The following ZNF366 variants were observed in gnomAD, a reference collection of about 807,000 sequenced individuals.
The protein encoded by ZNF366 is zinc finger protein 366.
ZNF366 carries 20 observed loss-of-function variants against 47.2 expected under a neutral mutation model. That is an observed-to-expected ratio of 0.42 (90% CI 0.30 to 0.62). The LOEUF (loss-of-function observed/expected upper bound fraction) is 0.62. Ranked by LOEUF, ZNF366 falls within the 20% of genes least tolerant of loss-of-function variation. The pLI, the probability that ZNF366 is intolerant of heterozygous loss-of-function variation, is 0.16. For missense variants in ZNF366, 987 were observed against 976.3 expected (o/e 1.01, Z -0.15); for synonymous variants, 421 against 395.1 (o/e 1.07, Z -0.78).
chr5:72,455,004 C>T (rs1282006589), intron 3 of ZNF366, among the ~76,000 whole-genome samples: 3 of 152,224 alleles, frequency 2.0e-5, no homozygotes, highest in African/African-American at 7.2e-5. Context: ...AATGTTTGAA[C>T]AAGGAGCCTT....
intron 1 of ZNF366, among the ~76,000 whole-genome samples, chr5:72,472,177 G>T (rs1175495058): frequency 6.6e-6 from 1 of 152,156 alleles, no homozygotes; most frequent in South Asian, 2.1e-4. Flanking sequence ...CAAAAACTAG[G>T]TTCAAGGAAC....
chr5:72,457,828 C>T (rs917952569), intron 2 of ZNF366, among the ~76,000 whole-genome samples: 3 of 152,108 alleles, frequency 2.0e-5, no homozygotes, highest in African/African-American at 7.2e-5. Flanking sequence ...GATGATGGTA[C>T]ATGAGTATGC....
At chr5:72,466,584 C>T (rs1289715650) in intron 1 of ZNF366, among the ~76,000 whole-genome samples, 1 of 152,202 alleles carries the variant, frequency 6.6e-6, no homozygotes, top group African/African-American at 2.4e-5. Context: ...TTCACTGCTG[C>T]ATCTTCAATT....
chr5:72,447,258 C>A lies in ZNF366; in HGVS notation c.1684G>T (p.Gly562Cys), dbSNP rs375547703. 1 of 1,613,992 alleles carries A rather than the reference C, an allele frequency of 6.2e-7. No individual in the cohort carries two copies. Among genetic ancestry groups the A allele is most frequent in the African/African-American group, 1.3e-5 (1 of 74,894 alleles). ...MKVKHGVMERGLHSQGLGRGR... is the reference protein window; with the variant it reads ...MKVKHGVMERCLHSQGLGRGR... Reference sequence around the variant, plus strand: ...GAGTGATTACCTTGGGAATGAAGGCCCCGCTCCATGACTCCATGCTTGACT... The same window carrying A: ...GAGTGATTACCTTGGGAATGAAGGCACCGCTCCATGACTCCATGCTTGACT... The change falls in exon 4 of 5, where the codon GGC becomes TGC. Residue 562 changes from glycine to cysteine, a missense_variant. Transcript: ENST00000318442.
At chr5:72,480,480 C>G (rs1180785515) in intron 1 of ZNF366, among the ~76,000 whole-genome samples, 1 of 151,972 alleles carries the variant, frequency 6.6e-6, no homozygotes, top group Non-Finnish European at 1.5e-5. Flanking sequence ...CCATGCTTCC[C>G]CACAATCCCC....
chr5:72,443,784 T>C lies in ZNF366; in HGVS notation c.2207A>G (p.Glu736Gly), dbSNP rs781375221. The change falls in exon 5 of 5, where the codon GAA (glutamate) becomes GGA (glycine). Residue 736 changes from glutamate to glycine, a missense_variant. By Grantham distance (98) the Glu-to-Gly change is moderately conservative. Coordinates refer to ENST00000318442, the MANE Select transcript of ZNF366 (RefSeq NM_152625.3). ...GATACCTAAAAGCACTGCTTGTTTT[T>C]CCATTTTCCTCTCCAGTAATTCTTT... is the stretch of plus-strand genomic sequence containing the variant. ...SLKELLERKM[E>G]KQAVLLGI 1.9e-6 allele frequency: 3 copies of C among 1,613,530 alleles called. No individual in the cohort carries two copies. The highest frequency in any genetic ancestry group is 2.5e-6 in the Non-Finnish European group (3 of 1,179,736).
At chr5:72,500,492 A>G (rs1744194423) in intron 1 of ZNF366, among the ~76,000 whole-genome samples, 1 of 152,108 alleles carries the variant, frequency 6.6e-6, no homozygotes, top group South Asian at 2.1e-4. Context: ...ACCTGAAAAT[A>G]ATACCCTCGC....
At chr5:72,449,435 C>T (rs191248642) in intron 3 of ZNF366, among the ~76,000 whole-genome samples, 1 of 152,244 alleles carries the variant, frequency 6.6e-6, no homozygotes, top group African/African-American at 2.4e-5. Context: ...GGATCTCTGG[C>T]CATGTTGGCC....
chr5:72,458,209 G>A (rs904084105), intron 2 of ZNF366, among the ~76,000 whole-genome samples: 4 of 151,560 alleles, frequency 2.6e-5, no homozygotes, highest in African/African-American at 9.7e-5. Flanking sequence ...GTAGAGACGG[G>A]GTTTCACCGT....
In ZNF366 at chr5:72,507,266, G is replaced by A; in HGVS notation, c.-30C>T. On this transcript the variant is annotated 5_prime_UTR_variant, in exon 1 of 5. Coordinates refer to ENST00000318442, the MANE Select transcript of ZNF366 (RefSeq NM_152625.3). Reference sequence around the variant, plus strand: ...GGTAACTTACCAGCTCCTGAGGTCTGAATGGCTGCAGCAGCCCCACTCCTT... The same window carrying A: ...GGTAACTTACCAGCTCCTGAGGTCTAAATGGCTGCAGCAGCCCCACTCCTT... 1 of 985,528 alleles carries A rather than the reference G, an allele frequency of 1.0e-6. No homozygotes were observed. The highest frequency in any genetic ancestry group is 1.2e-6 in the Non-Finnish European group (1 of 830,046). The allele number at this position is 985,528 out of a possible 1,614,324, so 61.0% of individuals were successfully genotyped here.
intron 2 of ZNF366, among the ~76,000 whole-genome samples, chr5:72,456,804 C>A (rs1234018149): frequency 6.6e-6 from 1 of 151,924 alleles, no homozygotes; most frequent in African/African-American, 2.4e-5. Context: ...TTCTGAAAAC[C>A]ATAAACTAGC....
chr5:72,476,867 A>G (rs529790475), intron 1 of ZNF366, among the ~76,000 whole-genome samples: 6 of 152,178 alleles, frequency 3.9e-5, no homozygotes, highest in East Asian at 1.9e-4. Flanking sequence ...AAGCTTAACA[A>G]TGAGGAAGAG....
At chr5:72,476,144 C>T (rs745944046) in intron 1 of ZNF366, among the ~76,000 whole-genome samples, 1 of 151,944 alleles carries the variant, frequency 6.6e-6, no homozygotes. Flanking sequence ...TTCATAAGAC[C>T]AGGTACCTGG....
In ZNF366 at chr5:72,444,286, C is replaced by T. The variant is rs1561187790; in HGVS notation, c.1705G>A (p.Gly569Arg). 4 of 1,607,942 alleles carry T rather than the reference C, an allele frequency of 2.5e-6. No homozygotes were observed. The highest frequency in any genetic ancestry group is 3.4e-6 in the Non-Finnish European group (4 of 1,176,824). The change falls in exon 5 of 5, where the codon GGA (glycine) becomes AGA (arginine). Residue 569 changes from glycine to arginine, a missense_variant. Physicochemically the swap from Gly to Arg is moderately radical, Grantham distance 125 (BLOSUM62 -2). Around this residue, in one of 3 missense-constraint regions of ZNF366, gnomAD observed 285 missense variants for 234.8 expected, o/e 1.21. Transcript: ENST00000318442. Reference sequence around the variant, plus strand: ...TGTGCCAGGGCGATTCTCCCCCTTCCCAGACCTGCAAGAGCAGAGTAAGAA... The same window carrying T: ...TGTGCCAGGGCGATTCTCCCCCTTCTCAGACCTGCAAGAGCAGAGTAAGAA... ...MERGLHSQGLGRGRIALAQTA... is the reference protein window; with the variant it reads ...MERGLHSQGLRRGRIALAQTA...
intron 1 of ZNF366, among the ~76,000 whole-genome samples, chr5:72,503,514 C>T (rs1744256117): frequency 6.7e-6 from 1 of 150,360 alleles, no homozygotes; most frequent in Admixed American, 6.6e-5. Flanking sequence ...TAAACAAGCC[C>T]GTAGGTGAAT....
intron 4 of ZNF366, among the ~76,000 whole-genome samples, chr5:72,445,100 C>T (rs1742932859): frequency 6.6e-6 from 1 of 152,184 alleles, no homozygotes; most frequent in Non-Finnish European, 1.5e-5. Context: ...ATGAAGAGGT[C>T]CTCTGAGGAG....
At chr5:72,456,316 G>C (rs1743184709) in intron 3 of ZNF366, 88 bp downstream of exon 3, 3 of 1,446,954 alleles carry the variant, frequency 2.1e-6, no homozygotes, top group Non-Finnish European at 1.9e-6. Context: ...TAGCCCCACT[G>C]ATGAAACAGA....
At chr5:72,447,119 A>G in intron 4 of ZNF366, 124 bp downstream of exon 4, 4 of 1,060,222 alleles carry the variant, frequency 3.8e-6, no homozygotes, top group Non-Finnish European at 5.5e-6. Context: ...TTATAAGGTT[A>G]CTCTTGCTAC....
At chr5:72,450,974 C>A (rs13189566) in intron 3 of ZNF366, among the ~76,000 whole-genome samples, 1 of 152,048 alleles carries the variant, frequency 6.6e-6, no homozygotes, top group African/African-American at 2.4e-5. Context: ...GGGAGTTAGA[C>A]GAGAGGGAGG....
Sources: allele counts gnomAD v4.1 joint callset (sites outside exome capture counted in the v4.1 genomes callset), GRCh38; gene constraint gnomAD v4.1.1; regional missense constraint gnomAD v4.1.1; transcripts MANE v1.5; gene names NCBI Gene and HGNC (gene_info 2026-07-23, HGNC 2026-07-21).